Variants in SLC22A23 observed in about 807,000 individuals in gnomAD.
SLC22A23 encodes the protein ion transporter protein.
Under a neutral mutation model 61.0 loss-of-function variants are expected in SLC22A23, and 26 were observed. The ratio of observed to expected loss-of-function variants is 0.43; its 90% CI spans 0.31 to 0.59. The LOEUF is 0.59. SLC22A23 is among the 20% of genes least tolerant of loss of function. The pLI, the probability that SLC22A23 is intolerant of heterozygous loss-of-function variation, is 0.11. For missense variants in SLC22A23, 796 were observed against 934.7 expected, an observed-to-expected ratio of 0.85 and a Z score of 1.94; for synonymous variants, 430 against 413.9, an observed-to-expected ratio of 1.04 and a Z score of -0.47.
chr6:3,290,408 A>T (rs1326287903), intron 5 of SLC22A23: 1 of 182,264 alleles, frequency 5.5e-6, no homozygotes, highest in East Asian at 1.5e-4. Context: ...AGGACATCAT[A>T]TGCATCTTTG....
At position 3,319,350 on chromosome 6, in the gene SLC22A23, G is replaced by A. The variant is rs146762271; in HGVS notation, c.1082+4484C>T. ...AGAACACTTTTCCGCCCAGAAGTTT[G>A]TGTGACTTCCTCTTTCTGAACATTT... On this transcript the variant is annotated intron_variant, in intron 4 of 9. Transcript: ENST00000406686. Among the ~76,000 whole-genome samples, 140 of 152,324 alleles carry A rather than the reference G, an allele frequency of 9.2e-4. 1 individual carries two copies. The highest frequency in any genetic ancestry group is 3.2e-3 in the African/African-American group (135 of 41,578).
At chr6:3,433,618 G>A (rs1299401606) in intron 1 of SLC22A23, among the ~76,000 whole-genome samples, 1 of 152,192 alleles carries the variant, frequency 6.6e-6, no homozygotes, top group Non-Finnish European at 1.5e-5. Flanking sequence ...AATGGGCACA[G>A]CAGTCTAAGC....
At chr6:3,449,687 G>A (rs1474864013) in intron 1 of SLC22A23, among the ~76,000 whole-genome samples, 4 of 152,340 alleles carry the variant, frequency 2.6e-5, no homozygotes, top group African/African-American at 9.6e-5. Flanking sequence ...CAGGGAGGGT[G>A]TAGGGAACAG....
chr6:3,429,167 C>T (rs1168419869), intron 1 of SLC22A23, among the ~76,000 whole-genome samples: 1 of 152,194 alleles, frequency 6.6e-6, no homozygotes, highest in Non-Finnish European at 1.5e-5. Context: ...ACAGTCCTGT[C>T]ACCCCTGACA....
At chr6:3,285,249 G>T in intron 7 of SLC22A23, 138 bp from the exon 8 acceptor site, 2 of 1,196,496 alleles carry the variant, frequency 1.7e-6, no homozygotes, top group Non-Finnish European at 2.4e-6. Flanking sequence ...TCCGTGTCTG[G>T]GATGGCGCTG....
At chr6:3,373,782 T>C (rs1293805384) in intron 3 of SLC22A23, among the ~76,000 whole-genome samples, 3 of 152,298 alleles carry the variant, frequency 2.0e-5, no homozygotes, top group African/African-American at 7.2e-5. Context: ...ACAGTGACAC[T>C]GTGATCGCTG....
chr6:3,271,892 T>C lies in SLC22A23; in HGVS notation c.*1163A>G, dbSNP rs1758498554. On this transcript the variant is annotated 3_prime_UTR_variant, in exon 10 of 10. Coordinates refer to ENST00000406686, the MANE Select transcript of SLC22A23 (RefSeq NM_015482.2). ...GATGCCTTCGAGAGGCTGGAGGTCA[T>C]TTGGACTCACCTATGAGGAATCTCC... 1 of 152,386 alleles carries C rather than the reference T, an allele frequency of 6.6e-6. No individual in the cohort carries two copies. Among genetic ancestry groups the C allele is most frequent in the African/African-American group, 2.4e-5 (1 of 41,454 alleles). The allele number at this position is 152,386 out of a possible 1,614,324, so 9.4% of individuals were successfully genotyped here.
chr6:3,298,084 T>G lies in SLC22A23; in HGVS notation c.1210+7A>C, dbSNP rs1761272724. 1 of 1,530,264 alleles carries G rather than the reference T, an allele frequency of 6.5e-7. No homozygotes were observed. Among genetic ancestry groups the G allele is most frequent in the African/African-American group, 1.4e-5 (1 of 70,124 alleles). 94.8% of individuals were successfully genotyped at this position (1,530,264 alleles called of 1,614,324 possible). Reference sequence around the variant, plus strand: ...CTCTGAGCCCTGCCAGCCCGCGGTGTGCTCACCTGGTATCACACCCTTGAT... The same window carrying G: ...CTCTGAGCCCTGCCAGCCCGCGGTGGGCTCACCTGGTATCACACCCTTGAT... On this transcript the variant is annotated splice_region_variant and intron_variant, in intron 5 of 9. Transcript: ENST00000406686.
rs996468103 is a variant in SLC22A23, at chr6:3,386,462, G to C, written c.913+23726C>G. ...GCTTCTCTTTCCTCCTCAAGAAGTT[G>C]GCTTCTCTGGAAAGTGGGGGAGGGT... is the stretch of plus-strand genomic sequence containing the variant. On this transcript the variant is annotated intron_variant, in intron 3 of 9. Coordinates refer to ENST00000406686, the MANE Select transcript of SLC22A23 (RefSeq NM_015482.2). This position sits in a 1 kb window ranked among gnomAD's most constrained non-coding sequence, Gnocchi z 4.4. 6.6e-6 allele frequency among the ~76,000 whole-genome samples: 1 copy of C among 152,182 alleles called. No homozygotes were observed. The highest frequency in any genetic ancestry group is 1.5e-5 in the Non-Finnish European group (1 of 68,038).
At chr6:3,336,137 C>A (rs896981202) in intron 3 of SLC22A23, among the ~76,000 whole-genome samples, 2 of 151,910 alleles carry the variant, frequency 1.3e-5, no homozygotes, top group East Asian at 3.9e-4. Context: ...GGAGTGCCTG[C>A]TGGAAGTTGT....
intron 1 of SLC22A23, among the ~76,000 whole-genome samples, chr6:3,434,961 G>C (rs755419092): frequency 2.3e-4 from 35 of 152,178 alleles, no homozygotes; most frequent in Non-Finnish European, 5.0e-4. Flanking sequence ...ACAGGAGTCT[G>C]ACTGTCACTA....
chr6:3,347,460 A>G (rs1393340030), intron 3 of SLC22A23, among the ~76,000 whole-genome samples: 6 of 151,922 alleles, frequency 3.9e-5, no homozygotes, highest in African/African-American at 1.5e-4. Flanking sequence ...GCACAGGAGA[A>G]TTTAACTACA....
intron 4 of SLC22A23, among the ~76,000 whole-genome samples, chr6:3,300,495 T>G (rs1317863853): frequency 1.3e-5 from 2 of 152,082 alleles, no homozygotes; most frequent in Non-Finnish European, 2.9e-5. Context: ...TTCCCTCATG[T>G]GAGGACACAG....
intron 3 of SLC22A23, among the ~76,000 whole-genome samples, chr6:3,352,915 C>T (rs1764861488): frequency 6.6e-6 from 1 of 152,210 alleles, no homozygotes; most frequent in Non-Finnish European, 1.5e-5. Flanking sequence ...CCGTGACCTG[C>T]ACCTTGCTAC....
At chr6:3,332,299 A>G (rs1361081036) in intron 3 of SLC22A23, among the ~76,000 whole-genome samples, 4 of 152,238 alleles carry the variant, frequency 2.6e-5, no homozygotes, top group African/African-American at 7.2e-5. Flanking sequence ...GGCGTATGGT[A>G]AACAGAATAG....
chr6:3,410,308 T>C lies in SLC22A23; in HGVS notation c.793A>G (p.Ile265Val), dbSNP rs765299313. 1.2e-6 allele frequency: 2 copies of C among 1,613,316 alleles called. No individual in the cohort carries two copies. Among genetic ancestry groups the C allele is most frequent in the East Asian group, 4.5e-5 (2 of 44,838 alleles). Residue 265 changes from isoleucine to valine, a missense_variant, in exon 3 of 10, where the codon ATC (isoleucine) becomes GTC (valine). Transcript: ENST00000406686. The surrounding 1 kb of genome is among the most constrained non-coding windows in gnomAD (Gnocchi z 5.0). ...GTCAGTCCAAAGATCAGAATGAAGA[T>C]GATGGAAAACAGCAGCACAGGCCGC... ...GRRPVLLFSI[I>V]FILIFGLTVA...
At chr6:3,334,459 C>A (rs552700901) in intron 3 of SLC22A23, among the ~76,000 whole-genome samples, 1 of 151,980 alleles carries the variant, frequency 6.6e-6, no homozygotes, top group East Asian at 1.9e-4. Flanking sequence ...CTGCGCCCAG[C>A]GTAGATGTTG....
At chr6:3,312,373 AG>A in intron 4 of SLC22A23, 1 of 152,278 alleles carries the variant, frequency 6.6e-6, no homozygotes, top group Non-Finnish European at 1.5e-5. Flanking sequence ...ACAACGTGGT[AG>A]GGGGATTAAT....
Position 3,348,260 on chromosome 6 carries a change from G to A in SLC22A23, c.914-24258C>T, listed in dbSNP as rs144254570. Among the ~76,000 whole-genome samples the A allele has an allele frequency of 8.4e-3, 1,281 of 152,306 alleles. 4 individuals carry two copies. Among genetic ancestry groups the A allele is most frequent in the Admixed American group, 0.013 (193 of 15,296 alleles). The stretch of plus-strand genomic sequence containing the variant: ...ATGTGGGGAAGTGAGGAAGGGAATT[G>A]GTTTCTGACCATGGCCTGGAACAGC... On this transcript the variant is annotated intron_variant, in intron 3 of 9. Transcript: ENST00000406686.
Sources: gnomAD v4.1 joint callset for allele counts (sites outside exome capture counted in the v4.1 genomes callset) on GRCh38, gnomAD v4.1.1 for gene constraint, Gnocchi (gnomAD v3.1) non-coding constraint, MANE v1.5 for transcripts, NCBI Gene and HGNC (gene_info 2026-07-23, HGNC 2026-07-21) for gene names.